Variants in FGF22 observed in about 807,000 individuals in gnomAD.
FGF22 encodes the protein FGF-22.
In FGF22, 11 loss-of-function variants were observed where a neutral mutation model predicts 10.3. That is an observed-to-expected ratio of 1.07 (90% confidence interval 0.67 to 1.77). The LOEUF (loss-of-function observed/expected upper bound fraction) is 1.77, where lower values mean the gene tolerates loss of function less well. Ranked by LOEUF, FGF22 falls within the 40% of genes most tolerant of loss-of-function variation. The pLI is 0.00. For synonymous variants in FGF22, 136 were observed against 122.1 expected (o/e 1.11, Z -0.75); for missense variants, 317 against 273.2 (o/e 1.16, Z -1.13).
intron 1 of FGF22, chr19:641,478 G>A: frequency 3.0e-6 from 1 of 333,168 alleles, no homozygotes; most frequent in Non-Finnish European, 6.0e-6. Context: ...GGGAGGCTGA[G>A]GCAGGAGAAT....
At chr19:641,312 C>T (rs1468825231) in intron 1 of FGF22, 10 of 453,018 alleles carry the variant, frequency 2.2e-5, no homozygotes, top group Non-Finnish European at 4.0e-5. Context: ...TGCAGTGGCT[C>T]ACGTCGGTAA....
At chr19:641,301 G>C in intron 1 of FGF22, 1 of 454,576 alleles carries the variant, frequency 2.2e-6, no homozygotes, top group South Asian at 1.6e-5. Flanking sequence ...GGTTGGCCGG[G>C]TGCAGTGGCT....
rs149316360 is a variant in FGF22, at chr19:644,282, C to T, written c.*678C>T. ...CCGCACTGGAGCCCCCGGGAGGGACCGGCCTGCTCCTGCCTTGATATGAGC... is the reference window on the plus strand; with the variant it reads ...CCGCACTGGAGCCCCCGGGAGGGACTGGCCTGCTCCTGCCTTGATATGAGC... On this transcript the variant is annotated 3_prime_UTR_variant, in exon 3 of 3. Coordinates refer to ENST00000215530, the Ensembl canonical transcript of FGF22. The T allele has an allele frequency of 4.6e-3, 709 of 152,608 alleles. 5 individuals carry two copies. The highest frequency in any genetic ancestry group is 6.7e-3 in the Non-Finnish European group (457 of 68,300). 9.5% of individuals were successfully genotyped at this position (152,608 alleles called of 1,614,324 possible).
chr19:641,336 G>A (rs1390477085), intron 1 of FGF22: 1 of 448,264 alleles, frequency 2.2e-6, no homozygotes, highest in Non-Finnish European at 4.5e-6. Flanking sequence ...CAGCACTTTG[G>A]GAGGCCGAGG....
chr19:641,860 A>C (rs1303596735), intron 1 of FGF22, among the ~76,000 whole-genome samples: 1 of 152,166 alleles, frequency 6.6e-6, no homozygotes, highest in Non-Finnish European at 1.5e-5. Flanking sequence ...ACAAAGCGGC[A>C]GACACCCAGG....
intron 1 of FGF22, chr19:641,435 T>C (rs561298428): frequency 7.8e-5 from 28 of 358,450 alleles, no homozygotes; most frequent in Admixed American, 3.4e-4. Flanking sequence ...ATTAGCCGGG[T>C]GTGGTGGCGG....
intron 1 of FGF22, among the ~76,000 whole-genome samples, chr19:642,144 C>T (rs1442047492): frequency 3.9e-5 from 6 of 152,190 alleles, no homozygotes; most frequent in African/African-American, 7.2e-5. Flanking sequence ...ACTGCCAGCC[C>T]GGCCTCCAGT....
chr19:640,005 C>A lies in FGF22; in HGVS notation c.80C>A (p.Ser27Ter). The A allele has an allele frequency of 6.1e-6, 8 of 1,321,868 alleles. No individual in the cohort carries two copies. The highest frequency in any genetic ancestry group is 6.7e-6 in the Non-Finnish European group (7 of 1,039,074). 81.9% of individuals were successfully genotyped at this position (1,321,868 alleles called of 1,614,324 possible). A position where few individuals can be genotyped will look rare whatever the true frequency, so the allele number is the denominator to read the frequency against. ...GACGCCGCGGGAACCCCGAGCGCGT[C>A]GCGGGGACCGCGCAGCTACCCGCAC... is the stretch of plus-strand genomic sequence containing the variant. Residue 27 changes from serine (S) to a stop codon, truncating the protein, a stop_gained, in exon 1 of 3, where the codon TCG becomes TAG. Coordinates refer to ENST00000215530, the Ensembl canonical transcript of FGF22. LOFTEE classifies it high-confidence loss of function.
exon 1 of FGF22, chr19:640,100 G>A (rs1175232982): frequency 1.4e-6 from 2 of 1,395,718 alleles, no homozygotes; most frequent in Non-Finnish European, 1.9e-6. Flanking sequence ...GGATCCCGGC[G>A]GCCGCGTGCA....
At chr19:641,272 G>A (rs1985890111) in intron 1 of FGF22, 1 of 455,536 alleles carries the variant, frequency 2.2e-6, no homozygotes, top group African/African-American at 2.0e-5. Flanking sequence ...GGCGCAGGTG[G>A]GTGCACAGAA....
chr19:641,793 G>A (rs1985912057), intron 1 of FGF22, among the ~76,000 whole-genome samples: 1 of 152,134 alleles, frequency 6.6e-6, no homozygotes, highest in South Asian at 2.1e-4. Context: ...CTGCCCCGAG[G>A]AGCTTTCACT....
chr19:641,895 G>A (rs11572872), intron 1 of FGF22, among the ~76,000 whole-genome samples: 8,036 of 152,148 alleles, frequency 0.053, 397 homozygotes, highest in African/African-American at 0.14. Context: ...TGTGGGTGAG[G>A]AGTGGCGGCT....
intron 1 of FGF22, chr19:641,281 A>G (rs1442635209): frequency 2.2e-6 from 1 of 455,392 alleles, no homozygotes; most frequent in East Asian, 6.9e-5. Context: ...GGGTGCACAG[A>G]ACAGTGAACG....
At position 640,025 on chromosome 19, in the gene FGF22, CCG is replaced by C. The variant is rs1389836712; in HGVS notation, c.102_103del (p.His35ProfsTer139). On this transcript the variant is annotated frameshift_variant, in exon 1 of 3. Transcript: ENST00000215530. LOFTEE classifies it high-confidence loss of function. ...CGCGTCGCGGGGACCGCGCAGCTACCCGCACCTGGAGGGCGACGTGCGCTGGC... is the reference window on the plus strand; with the variant it reads ...CGCGTCGCGGGGACCGCGCAGCTACCCACCTGGAGGGCGACGTGCGCTGGC... The C allele has an allele frequency of 1.1e-5, 15 of 1,380,050 alleles. No homozygotes were observed. The East Asian group carries it at 3.7e-4, about 34-fold the overall frequency. 85.5% of individuals were successfully genotyped at this position (1,380,050 alleles called of 1,614,324 possible).
At chr19:639,965 C>T in exon 1 of FGF22, 2 of 1,255,792 alleles carry the variant, frequency 1.6e-6, no homozygotes, top group Non-Finnish European at 2.0e-6. Flanking sequence ...CTGGCTGCTG[C>T]TGGCGCGGGC....
exon 3 of FGF22, chr19:643,869 G>C: frequency 2.7e-6 from 1 of 372,886 alleles, no homozygotes; most frequent in Non-Finnish European, 4.9e-6. Context: ...GGTCGAGGGG[G>C]ACGTCCCAGG....
At chr19:643,751 G>A in exon 3 of FGF22, 4 of 704,718 alleles carry the variant, frequency 5.7e-6, no homozygotes. Flanking sequence ...CCCTCCAGGG[G>A]GGTCCCAGCC....
chr19:640,613 C>CT (rs992424683), intron 1 of FGF22: 2 of 154,994 alleles, frequency 1.3e-5, no homozygotes, highest in Non-Finnish European at 2.9e-5. Flanking sequence ...CAGGGTCACA[C>CT]TGACAGGGGT....
intron 1 of FGF22, 21 bp downstream of exon 1, chr19:640,160 G>GC: frequency 7.8e-7 from 1 of 1,279,004 alleles, no homozygotes; most frequent in South Asian, 2.4e-5. Context: ...GGCGGCGGGG[G>GC]CCTGGGGTGG....
Sources: allele counts gnomAD v4.1 joint callset (sites outside exome capture counted in the v4.1 genomes callset), GRCh38; gene constraint gnomAD v4.1.1; transcripts MANE v1.5; gene names NCBI Gene and HGNC (gene_info 2026-07-23, HGNC 2026-07-21).